The following ARHGAP25 variants were observed in gnomAD, a reference collection of about 807,000 sequenced individuals.
ARHGAP25 encodes the protein Rho GTPase activating protein 25, also known as rho GTPase-activating protein 25.
In ARHGAP25, 34 loss-of-function variants were observed where a neutral mutation model predicts 71.0. The observed-to-expected ratio is 0.48, with a 90% CI of 0.36 to 0.64. The LOEUF is 0.64. Ranked by LOEUF, ARHGAP25 falls within the 30% of genes least tolerant of loss-of-function variation. The probability of loss-of-function intolerance (pLI) is 0.00; values close to 1 mark genes in which losing one functional copy is unlikely to be tolerated. For synonymous variants in ARHGAP25, 282 were observed against 296.5 expected (o/e 0.95, Z 0.50); for missense variants, 706 against 805.1 (o/e 0.88, Z 1.49).
chr2:68,716,361 G>T (rs1312986796), intron 2 of ARHGAP25, among the ~76,000 whole-genome samples: 2 of 152,198 alleles, frequency 1.3e-5, no homozygotes, highest in Admixed American at 1.3e-4. Flanking sequence ...TTCCCTCTGG[G>T]ACATCCATGT....
chr2:68,745,333 C>G (rs1003570009), intron 1 of ARHGAP25, among the ~76,000 whole-genome samples: 3 of 152,166 alleles, frequency 2.0e-5, no homozygotes, highest in Non-Finnish European at 4.4e-5. Context: ...CTGTGCCCAC[C>G]ACATCCTATG....
At chr2:68,761,470 T>C (rs1260524861) in intron 1 of ARHGAP25, among the ~76,000 whole-genome samples, 11 of 151,954 alleles carry the variant, frequency 7.2e-5, no homozygotes, top group Admixed American at 2.0e-4. Flanking sequence ...GGAAAATATT[T>C]GCAAATCATA....
Position 68,813,409 on chromosome 2 carries a change from A to T in ARHGAP25, c.797A>T (p.Asp266Val), listed in dbSNP as rs770120040. 6.2e-7 allele frequency: 1 copy of T among 1,612,608 alleles called. No homozygotes were observed. The highest frequency in any genetic ancestry group is 8.5e-7 in the Non-Finnish European group (1 of 1,179,598). Residue 266 changes from aspartate (D) to valine (V), a missense_variant, in exon 6 of 11, where the codon GAT (aspartate) becomes GTT (valine). Transcript: ENST00000409202. ...CTCTGTGGGCAGCTCACGAATGCGG[A>T]TGAGGCAAAGGTTTGCATCTTAGAG... Reference protein sequence around the residue: ...FLLCGQLTNADEAKAQQELMK... With the variant: ...FLLCGQLTNAVEAKAQQELMK...
At chr2:68,737,920 T>A (rs1255624190) in intron 1 of ARHGAP25, among the ~76,000 whole-genome samples, 1 of 152,192 alleles carries the variant, frequency 6.6e-6, no homozygotes, top group Non-Finnish European at 1.5e-5. Flanking sequence ...GACTCTCCAC[T>A]GTACTTCCAT....
chr2:68,733,715 C>T (rs1184540561), upstream of ARHGAP25, among the ~76,000 whole-genome samples: 1 of 152,094 alleles, frequency 6.6e-6, no homozygotes, highest in Non-Finnish European at 1.5e-5. Context: ...CTCAATGAAA[C>T]GGGAACCCAG....
At chr2:68,785,460 G>A (rs938273184) in intron 3 of ARHGAP25, among the ~76,000 whole-genome samples, 7 of 152,110 alleles carry the variant, frequency 4.6e-5, no homozygotes, top group Admixed American at 2.0e-4. Flanking sequence ...AAAAGAAATC[G>A]ATGTTGACTC....
intron 2 of ARHGAP25, 164 bp downstream of exon 2, chr2:68,775,584 T>C (rs1337235827): frequency 2.7e-6 from 3 of 1,105,818 alleles, no homozygotes; most frequent in Non-Finnish European, 2.7e-6. Flanking sequence ...ATACATAAAC[T>C]GAGTTGCAAA....
intron 1 of ARHGAP25, among the ~76,000 whole-genome samples, chr2:68,765,455 A>G (rs921487445): frequency 6.6e-6 from 1 of 152,182 alleles, no homozygotes; most frequent in Non-Finnish European, 1.5e-5. Flanking sequence ...TCCAAACACA[A>G]CAGAGAAAAT....
At chr2:68,765,141 C>T (rs1677050185) in intron 1 of ARHGAP25, among the ~76,000 whole-genome samples, 1 of 152,122 alleles carries the variant, frequency 6.6e-6, no homozygotes, top group Non-Finnish European at 1.5e-5. Context: ...GAAATACTAT[C>T]CATACTGGCA....
chr2:68,740,615 A>G (rs1349693818), intron 1 of ARHGAP25, among the ~76,000 whole-genome samples: 1 of 152,174 alleles, frequency 6.6e-6, no homozygotes, highest in African/African-American at 2.4e-5. Context: ...AGGTCTTCTG[A>G]TCACTGGAGA....
chr2:68,762,590 G>C (rs760021566), intron 1 of ARHGAP25, among the ~76,000 whole-genome samples: 2 of 152,024 alleles, frequency 1.3e-5, no homozygotes, highest in Non-Finnish European at 2.9e-5. Context: ...CCCCCTCATG[G>C]TTCTCCTTCT....
At chr2:68,783,520 T>TA (rs1678503797) in intron 3 of ARHGAP25, among the ~76,000 whole-genome samples, 1 of 151,918 alleles carries the variant, frequency 6.6e-6, no homozygotes. Context: ...TGGAGTGCAG[T>TA]GGCGTGATCT....
chr2:68,817,147 C>T (rs2103690068), intron 7 of ARHGAP25, among the ~76,000 whole-genome samples: 1 of 152,154 alleles, frequency 6.6e-6, no homozygotes. Flanking sequence ...GAGCATTTCC[C>T]TATGTCATAA....
chr2:68,805,751 A>G (rs1180990269), intron 4 of ARHGAP25, among the ~76,000 whole-genome samples: 1 of 152,190 alleles, frequency 6.6e-6, no homozygotes, highest in African/African-American at 2.4e-5. Flanking sequence ...GGTGGAATCC[A>G]CAGGAACTCG....
At chr2:68,803,412 G>C (rs1297040240) in intron 4 of ARHGAP25, among the ~76,000 whole-genome samples, 2 of 152,208 alleles carry the variant, frequency 1.3e-5, no homozygotes, top group Admixed American at 1.3e-4. Flanking sequence ...AATGAAACCA[G>C]ATTGTGATGG....
At chr2:68,745,991 C>T (rs1386250491) in intron 1 of ARHGAP25, among the ~76,000 whole-genome samples, 1 of 152,156 alleles carries the variant, frequency 6.6e-6, no homozygotes, top group Non-Finnish European at 1.5e-5. Flanking sequence ...TAATACCATC[C>T]ATCAGAGCAG....
intron 4 of ARHGAP25, among the ~76,000 whole-genome samples, chr2:68,791,780 G>A (rs997232302): frequency 6.6e-6 from 1 of 152,114 alleles, no homozygotes; most frequent in Non-Finnish European, 1.5e-5. Context: ...CCCTTGACTG[G>A]AGAGATGGCC....
intron 2 of ARHGAP25, among the ~76,000 whole-genome samples, chr2:68,719,159 C>A (rs77833300): frequency 8.3e-4 from 127 of 152,190 alleles, no homozygotes; most frequent in African/African-American, 3.0e-3. Context: ...AAGAAAATGG[C>A]AAACACAATA....
chr2:68,746,784 A>G (rs1675853676), intron 1 of ARHGAP25, among the ~76,000 whole-genome samples: 1 of 151,638 alleles, frequency 6.6e-6, no homozygotes, highest in African/African-American at 2.4e-5. Context: ...AGGCAGGAGG[A>G]TCACCTGAGG....
Sources: gnomAD v4.1 joint callset for allele counts (sites outside exome capture counted in the v4.1 genomes callset) on GRCh38, gnomAD v4.1.1 for gene constraint, MANE v1.5 for transcripts, NCBI Gene and HGNC (gene_info 2026-07-23, HGNC 2026-07-21) for gene names.